Variants in EMID1 observed in about 807,000 individuals in gnomAD.
EMID1 encodes the protein EMI domain containing 1.
EMID1 carries 40 observed loss-of-function variants against 60.6 expected under a neutral mutation model. The ratio of observed to expected loss-of-function variants is 0.66; its 90% CI spans 0.51 to 0.86. EMID1 has a LOEUF of 0.86. Ranked by LOEUF, EMID1 falls within the 40% of genes least tolerant of loss-of-function variation. EMID1 has a pLI of 0.00. For synonymous variants in EMID1, 242 were observed against 231.0 expected (o/e 1.05, Z -0.43); for missense variants, 585 against 597.1 (o/e 0.98, Z 0.21).
rs1239219074 is a variant in EMID1 at position 29,215,551 on chromosome 22, A to G, written c.240A>G (p.Thr80=). Residue 80 remains threonine, a synonymous_variant, in exon 3 of 15, where the codon ACA becomes ACG. Transcript: ENST00000334018. ...GSSYRTVVRP[T]YKVMYKIVTA... ...GCTACAGAACTGTGGTGAGACCCAC[A>G]TACAAGGTGATGTACAAGATAGTGA... is the stretch of plus-strand genomic sequence containing the variant. 1 of 1,614,104 alleles carries G rather than the reference A, an allele frequency of 6.2e-7. No homozygotes were observed. The highest frequency in any genetic ancestry group is 1.7e-5 in the Admixed American group (1 of 60,010).
intron 10 of EMID1, 67 bp downstream of exon 10, chr22:29,233,733 A>G: frequency 7.0e-7 from 1 of 1,432,728 alleles, no homozygotes; most frequent in Non-Finnish European, 9.8e-7. Context: ...ATACATCCAT[A>G]CATCTGTCCA....
intron 7 of EMID1, 150 bp downstream of exon 7, chr22:29,231,832 C>T (rs1321433587): frequency 4.0e-5 from 28 of 706,420 alleles, no homozygotes; most frequent in South Asian, 9.7e-5. Context: ...GCCCTGCCCA[C>T]GCCTGGGCTC....
chr22:29,224,329 G>A (rs974016342), intron 3 of EMID1, among the ~76,000 whole-genome samples: 3 of 152,244 alleles, frequency 2.0e-5, no homozygotes, highest in Admixed American at 1.3e-4. Flanking sequence ...GGGGGGCTGA[G>A]GGGGGCAGTT....
chr22:29,234,790 G>A (rs868247662), intron 12 of EMID1, among the ~76,000 whole-genome samples: 2 of 151,634 alleles, frequency 1.3e-5, no homozygotes, highest in Non-Finnish European at 2.9e-5. Flanking sequence ...GCCTTGAATC[G>A]ACTTTGTGTG....
At chr22:29,252,860 G>A (rs1188391025) in intron 13 of EMID1, among the ~76,000 whole-genome samples, 2 of 152,178 alleles carry the variant, frequency 1.3e-5, no homozygotes, top group Non-Finnish European at 2.9e-5. Flanking sequence ...TCTAAGCCCT[G>A]GGAGAGGTGA....
At chr22:29,236,686 A>G (rs2040960721) in intron 12 of EMID1, among the ~76,000 whole-genome samples, 3 of 152,116 alleles carry the variant, frequency 2.0e-5, no homozygotes, top group Admixed American at 1.3e-4. Flanking sequence ...GTGAGACTCC[A>G]TCTCAAAAAA....
chr22:29,217,572 A>G (rs2040134732), intron 3 of EMID1, among the ~76,000 whole-genome samples: 1 of 152,222 alleles, frequency 6.6e-6, no homozygotes, highest in Non-Finnish European at 1.5e-5. Context: ...AAAAGGCACC[A>G]AGCTGCTGTG....
chr22:29,241,255 T>C (rs114827772), intron 12 of EMID1, among the ~76,000 whole-genome samples: 6,593 of 152,260 alleles, frequency 0.043, 300 homozygotes, highest in East Asian at 0.14. Context: ...GTTGTGATAG[T>C]CTGGATTTGC....
chr22:29,206,282 G>A, intron 1 of EMID1, 143 bp downstream of exon 1: 1 of 648,130 alleles, frequency 1.5e-6, no homozygotes, highest in Non-Finnish European at 2.2e-6. Flanking sequence ...CCGCGGTCCG[G>A]CTGAGGCTCC....
intron 7 of EMID1, 114 bp from the exon 8 acceptor site, chr22:29,232,142 C>T: frequency 7.9e-7 from 1 of 1,269,848 alleles, no homozygotes; most frequent in Non-Finnish European, 1.1e-6. Context: ...GGCCTGTGGA[C>T]TCCGGGGCCC....
intron 3 of EMID1, among the ~76,000 whole-genome samples, chr22:29,223,296 AAAC>A (rs1312444114): frequency 2.0e-5 from 3 of 152,242 alleles, no homozygotes; most frequent in African/African-American, 7.2e-5. Context: ...AAAAAAAAGA[AAAC>A]AACAGCAGAG....
At chr22:29,207,918 G>A (rs71327341) in intron 1 of EMID1, among the ~76,000 whole-genome samples, 1 of 152,172 alleles carries the variant, frequency 6.6e-6, no homozygotes, top group African/African-American at 2.4e-5. Flanking sequence ...GGAGTTAGGG[G>A]CTCCAGCCTT....
intron 5 of EMID1, among the ~76,000 whole-genome samples, chr22:29,228,755 T>C (rs1207843425): frequency 6.6e-6 from 1 of 152,136 alleles, no homozygotes; most frequent in Non-Finnish European, 1.5e-5. Context: ...CCACCACACC[T>C]GGCTAGTTTA....
At chr22:29,224,857 C>T (rs752149548) in intron 3 of EMID1, among the ~76,000 whole-genome samples, 2 of 152,158 alleles carry the variant, frequency 1.3e-5, no homozygotes, top group Non-Finnish European at 2.9e-5. Context: ...AACCTCTTAG[C>T]CCATGAGGCT....
chr22:29,217,955 C>T (rs1238193281), intron 3 of EMID1, among the ~76,000 whole-genome samples: 1 of 152,230 alleles, frequency 6.6e-6, no homozygotes, highest in Non-Finnish European at 1.5e-5. Flanking sequence ...GGACCCAGGG[C>T]AGCCTGGGGT....
Position 29,238,610 on chromosome 22 carries a change from G to A in EMID1, c.1074+4261G>A, listed in dbSNP as rs1159825449. ...TTTTTTGTATTTTTAGTAGAGACAG[G>A]GTTTCACCATGTTGGCCAGGCTGGT... On this transcript the variant is annotated intron_variant, in intron 12 of 14. Transcript: ENST00000334018. Among the ~76,000 whole-genome samples, 3 of 143,762 alleles carry A rather than the reference G, an allele frequency of 2.1e-5. 1 individual carries two copies. The highest frequency in any genetic ancestry group is 8.3e-5 in the African/African-American group (3 of 36,328). 94.3% of individuals were successfully genotyped at this position (143,762 alleles called of 152,430 possible). A position where few individuals can be genotyped will look rare whatever the true frequency, so the allele number is the denominator to read the frequency against.
rs1214179324 is a variant in EMID1 at position 29,231,157 on chromosome 22, G to A, written c.586+17G>A. The stretch of plus-strand genomic sequence containing the variant: ...GCCTCCAGGGTGAGTGTCAGACTCA[G>A]ACTCCCCTGTGGGAATGAGCAGTGG... On this transcript the variant is annotated intron_variant, in intron 6 of 14. Transcript: ENST00000334018. The A allele has an allele frequency of 3.2e-6, 5 of 1,585,668 alleles. No homozygotes were observed. The highest frequency in any genetic ancestry group is 1.2e-5 in the South Asian group (1 of 86,102).
At chr22:29,226,639 C>G in intron 5 of EMID1, 88 bp downstream of exon 5, 24 of 1,377,696 alleles carry the variant, frequency 1.7e-5, no homozygotes, top group Non-Finnish European at 2.2e-5. Context: ...CCTCCTTCCC[C>G]GCACCCCATG....
chr22:29,243,431 G>A lies in EMID1; in HGVS notation c.1075-14G>A, dbSNP rs1377617918. On this transcript the variant is annotated splice_polypyrimidine_tract_variant and intron_variant, in intron 12 of 14. Coordinates refer to ENST00000334018, the MANE Select transcript of EMID1 (RefSeq NM_133455.4). Reference sequence around the variant, plus strand: ...TGCCTTCCTCACTGCTGCTATCTCTGTCTCTCCTTGCAGGGGGAACCTGGC... The same window carrying A: ...TGCCTTCCTCACTGCTGCTATCTCTATCTCTCCTTGCAGGGGGAACCTGGC... The A allele has an allele frequency of 6.2e-7, 1 of 1,612,800 alleles. No homozygotes were observed. Among genetic ancestry groups the A allele is most frequent in the South Asian group, 1.1e-5 (1 of 90,970 alleles).
Sources: allele counts gnomAD v4.1 joint callset (sites outside exome capture counted in the v4.1 genomes callset), GRCh38; gene constraint gnomAD v4.1.1; transcripts MANE v1.5; gene names NCBI Gene and HGNC (gene_info 2026-07-23, HGNC 2026-07-21).